The following BABAM2 variants were observed in gnomAD, a reference collection of about 807,000 sequenced individuals.
BABAM2 encodes the protein BRISC and BRCA1 A complex member 2, also known as BRISC and BRCA1-A complex member 2.
A neutral mutation model predicts 54.7 loss-of-function variants in BABAM2; 31 were observed. The observed-to-expected ratio is 0.57, with a 90% CI of 0.43 to 0.77. The LOEUF is 0.77. Among genes scored for constraint, BABAM2 ranks in the 30% least tolerant of loss-of-function variants. BABAM2 has a pLI of 0.00. For synonymous variants in BABAM2, 167 were observed against 162.9 expected, an observed-to-expected ratio of 1.03 and a Z score of -0.19; for missense variants, 364 against 455.8, an observed-to-expected ratio of 0.80 and a Z score of 1.83.
At chr2:28,217,230 A>T (rs1177593493) in intron 7 of BABAM2, among the ~76,000 whole-genome samples, 1 of 152,210 alleles carries the variant, frequency 6.6e-6, no homozygotes, top group Admixed American at 6.5e-5. Context: ...TGAATGAATG[A>T]GTCATAGAGT....
At chr2:28,012,603 G>T (rs1360356648) in intron 4 of BABAM2, among the ~76,000 whole-genome samples, 2 of 152,102 alleles carry the variant, frequency 1.3e-5, no homozygotes, top group African/African-American at 4.8e-5. Flanking sequence ...AAGAAATAGA[G>T]TATATTTAGT....
rs969209480 is a variant in BABAM2, at chr2:28,329,293, A to G, written c.1089-9157A>G. On this transcript the variant is annotated intron_variant, in intron 11 of 11. Coordinates refer to ENST00000379624, the MANE Select transcript of BABAM2 (RefSeq NM_199191.3). The surrounding 1 kb of genome is among the most constrained non-coding windows in gnomAD (Gnocchi z 4.2). Reference sequence around the variant, plus strand: ...TGCTCGGGGCTCTGCAGCGTTCACTAACCCTACCCCATTTGTATAAAACTA... The same window carrying G: ...TGCTCGGGGCTCTGCAGCGTTCACTGACCCTACCCCATTTGTATAAAACTA... 6.6e-6 allele frequency among the ~76,000 whole-genome samples: 1 copy of G among 152,196 alleles called. No individual in the cohort carries two copies. Among genetic ancestry groups the G allele is most frequent in the African/African-American group, 2.4e-5 (1 of 41,440 alleles).
intron 11 of BABAM2, among the ~76,000 whole-genome samples, chr2:28,330,871 A>G (rs1690892397): frequency 1.3e-5 from 2 of 152,246 alleles, no homozygotes; most frequent in African/African-American, 4.8e-5. Flanking sequence ...AAGAGCCCGT[A>G]TAGCCAAGAC....
rs72854463 is a variant in BABAM2 at position 28,058,838 on chromosome 2, T to G, written c.570+13039T>G. On this transcript the variant is annotated intron_variant, in intron 6 of 11. Coordinates refer to ENST00000379624, the MANE Select transcript of BABAM2 (RefSeq NM_199191.3). ...TTTTGTATGTGTTTTAAAAGATTTCTTTTTCTAGTAATTCACTTTGAATGT... is the reference window on the plus strand; with the variant it reads ...TTTTGTATGTGTTTTAAAAGATTTCGTTTTCTAGTAATTCACTTTGAATGT... Among the ~76,000 whole-genome samples the G allele has an allele frequency of 2.8e-3, 427 of 152,304 alleles. 1 individual carries two copies. The highest frequency in any genetic ancestry group is 9.8e-3 in the African/African-American group (409 of 41,572).
intron 6 of BABAM2, among the ~76,000 whole-genome samples, chr2:28,094,318 C>T (rs78333612): frequency 1.3e-5 from 2 of 152,104 alleles, no homozygotes; most frequent in East Asian, 1.9e-4. Flanking sequence ...AGAATAGGTA[C>T]TCAATACATC....
intron 10 of BABAM2, among the ~76,000 whole-genome samples, chr2:28,261,320 T>A (rs1354627184): frequency 1.4e-5 from 2 of 147,594 alleles, no homozygotes; most frequent in Admixed American, 1.4e-4. Flanking sequence ...TTTAGTAAAT[T>A]ACTTAGAATT....
chr2:28,076,268 T>A (rs1015883386), intron 6 of BABAM2, among the ~76,000 whole-genome samples: 1 of 152,002 alleles, frequency 6.6e-6, no homozygotes, highest in African/African-American at 2.4e-5. Flanking sequence ...AGCAAAACCC[T>A]TTCTCAAAAA....
chr2:28,003,198 A>T (rs929495664), intron 4 of BABAM2, among the ~76,000 whole-genome samples: 2 of 152,164 alleles, frequency 1.3e-5, no homozygotes, highest in Admixed American at 1.3e-4. Context: ...TTGTTTTGCA[A>T]GTAGATAATT....
intron 10 of BABAM2, among the ~76,000 whole-genome samples, chr2:28,275,001 C>G (rs1442562636): frequency 6.6e-6 from 1 of 152,176 alleles, no homozygotes; most frequent in Admixed American, 6.5e-5. Context: ...AGAATTCAGA[C>G]GACTCCAGCT....
chr2:28,169,155 A>G (rs1329734577), intron 7 of BABAM2, among the ~76,000 whole-genome samples: 1 of 152,218 alleles, frequency 6.6e-6, no homozygotes, highest in Non-Finnish European at 1.5e-5. Context: ...GAACCACACC[A>G]TGGAGATTTA....
At chr2:27,981,467 C>T (rs2148472539) in intron 3 of BABAM2, among the ~76,000 whole-genome samples, 1 of 152,242 alleles carries the variant, frequency 6.6e-6, no homozygotes, top group East Asian at 1.9e-4. Context: ...AAATATTTAT[C>T]ATCACAAAAA....
At chr2:28,016,577 A>ACTT in intron 4 of BABAM2, 1 of 547,952 alleles carries the variant, frequency 1.8e-6, no homozygotes, top group South Asian at 1.8e-5. Context: ...TTTCTAATTA[A>ACTT]CTTCTGTACA....
rs751265393 is a variant in BABAM2, at chr2:28,242,278, G to GT, written c.851+887dup. ...CGGTGGCTCGCACTTGAGGTTAGGA[G>GT]TTGAAAGCAAGCACCGATAGGGGAG... On this transcript the variant is annotated intron_variant, in intron 9 of 11. Coordinates refer to ENST00000379624, the MANE Select transcript of BABAM2 (RefSeq NM_199191.3). Among the ~76,000 whole-genome samples, 113 of 152,314 alleles carry GT rather than the reference G, an allele frequency of 7.4e-4. 1 individual carries two copies. Among genetic ancestry groups the GT allele is most frequent in the Middle Eastern group, 3.4e-3 (1 of 294 alleles).
At chr2:28,127,019 A>T (rs1202603692) in intron 6 of BABAM2, among the ~76,000 whole-genome samples, 2 of 151,602 alleles carry the variant, frequency 1.3e-5, no homozygotes, top group Non-Finnish European at 2.9e-5. Flanking sequence ...GTTTGAGTTC[A>T]TTGTAGATTC....
chr2:28,165,529 C>CTTTTTTTTTTT (rs1192641957), intron 7 of BABAM2, among the ~76,000 whole-genome samples: 11 of 72,256 alleles, frequency 1.5e-4, no homozygotes, highest in Non-Finnish European at 1.9e-4. Flanking sequence ...TTTTTCCTTG[C>CTTTTTTTTTTT]TTTTTTTTTT....
intron 6 of BABAM2, among the ~76,000 whole-genome samples, chr2:28,103,338 G>A (rs903406507): frequency 1.1e-4 from 10 of 90,196 alleles, no homozygotes; most frequent in African/African-American, 4.1e-4. Context: ...TTTTTAGACA[G>A]GTTCTTGATC....
intron 3 of BABAM2, among the ~76,000 whole-genome samples, chr2:27,933,764 G>GTTTTT (rs59022185): frequency 3.9e-4 from 43 of 110,848 alleles, no homozygotes; most frequent in African/African-American, 5.2e-4. Context: ...TGCCTGGCTT[G>GTTTTT]TTTTTTTTTT....
chr2:28,102,555 C>T (rs1162533323), intron 6 of BABAM2, among the ~76,000 whole-genome samples: 1 of 152,144 alleles, frequency 6.6e-6, no homozygotes, highest in Non-Finnish European at 1.5e-5. Flanking sequence ...GCAGTTGTGC[C>T]TTTGTAGAGC....
rs375919556 is a variant in BABAM2 at position 27,924,125 on chromosome 2, C to G, written c.129-5707C>G. Among the ~76,000 whole-genome samples the G allele has an allele frequency of 3.3e-5, 5 of 152,244 alleles. No homozygotes were observed. In the East Asian group the frequency reaches 9.7e-4, roughly 29 times the overall value. Reference sequence around the variant, plus strand: ...TCCTTTTTCCATAAGTGGAATCATACTATTTCCATGTATTTTTAAAGCTTT... The same window carrying G: ...TCCTTTTTCCATAAGTGGAATCATAGTATTTCCATGTATTTTTAAAGCTTT... On this transcript the variant is annotated intron_variant, in intron 2 of 11. Transcript: ENST00000379624.
Sources: gnomAD v4.1 joint callset for allele counts (sites outside exome capture counted in the v4.1 genomes callset) on GRCh38, gnomAD v4.1.1 for gene constraint, Gnocchi (gnomAD v3.1) non-coding constraint, MANE v1.5 for transcripts, NCBI Gene and HGNC (gene_info 2026-07-23, HGNC 2026-07-21) for gene names.